The following CDK14 variants were observed in gnomAD, a reference collection of about 807,000 sequenced individuals.
The protein encoded by CDK14 is cyclin-dependent kinase 14.
Under a neutral mutation model 60.7 loss-of-function variants are expected in CDK14, and 34 were observed. The observed-to-expected ratio is 0.56, with a 90% CI of 0.43 to 0.75. The LOEUF is 0.75. Among genes scored for constraint, CDK14 ranks in the 30% least tolerant of loss-of-function variants. The pLI is 0.00. For synonymous variants in CDK14, 197 were observed against 203.7 expected (o/e 0.97, Z 0.28); for missense variants, 482 against 564.1 (o/e 0.85, Z 1.47).
chr7:90,798,136 C>T (rs547279462), intron 5 of CDK14, among the ~76,000 whole-genome samples: 338 of 150,588 alleles, frequency 2.2e-3, no homozygotes, highest in Non-Finnish European at 3.7e-3. Context: ...ATTTTATTTT[C>T]TATTGAATAA....
intron 14 of CDK14, among the ~76,000 whole-genome samples, chr7:91,119,258 A>T (rs998159173): frequency 6.6e-6 from 1 of 152,160 alleles, no homozygotes; most frequent in African/African-American, 2.4e-5. Flanking sequence ...AGGCAGGCAG[A>T]TTGCTTGAGC....
intron 6 of CDK14, among the ~76,000 whole-genome samples, chr7:90,881,733 G>T (rs1017331666): frequency 3.9e-5 from 6 of 152,114 alleles, no homozygotes; most frequent in Admixed American, 3.9e-4. Flanking sequence ...ACTAACAGTG[G>T]AACTCTCAGC....
At chr7:90,812,809 G>T (rs945407066) in intron 5 of CDK14, among the ~76,000 whole-genome samples, 2 of 152,100 alleles carry the variant, frequency 1.3e-5, no homozygotes, top group African/African-American at 2.4e-5. Flanking sequence ...AAACATAGCT[G>T]TTGGGAATAT....
At chr7:90,799,746 C>T (rs933006770) in intron 5 of CDK14, among the ~76,000 whole-genome samples, 2 of 148,930 alleles carry the variant, frequency 1.3e-5, no homozygotes, top group African/African-American at 5.0e-5. Context: ...TACGGCAGAG[C>T]CTATACTTAA....
intron 2 of CDK14, among the ~76,000 whole-genome samples, chr7:90,657,346 A>C (rs1490890224): frequency 6.6e-6 from 1 of 152,212 alleles, no homozygotes; most frequent in Admixed American, 6.5e-5. Context: ...TCATCAACTT[A>C]GTTCATTCTC....
At chr7:90,699,892 C>T (rs1426821190) in intron 2 of CDK14, among the ~76,000 whole-genome samples, 2 of 152,102 alleles carry the variant, frequency 1.3e-5, no homozygotes, top group Non-Finnish European at 2.9e-5. Context: ...TCATGTGCTT[C>T]AGGGGAGGAC....
At chr7:90,733,537 C>A (rs886633535) in intron 3 of CDK14, among the ~76,000 whole-genome samples, 1 of 152,142 alleles carries the variant, frequency 6.6e-6, no homozygotes, top group African/African-American at 2.4e-5. Flanking sequence ...GGATAGTTAC[C>A]TCTTCTTGTT....
chr7:91,090,198 C>T (rs1002347215), intron 12 of CDK14, among the ~76,000 whole-genome samples: 2 of 152,156 alleles, frequency 1.3e-5, no homozygotes, highest in Admixed American at 6.5e-5. Flanking sequence ...TTGCCACATT[C>T]ATTGATTTTC....
chr7:90,633,165 A>G (rs1403425232), intron 2 of CDK14, among the ~76,000 whole-genome samples: 1 of 152,068 alleles, frequency 6.6e-6, no homozygotes, highest in Non-Finnish European at 1.5e-5. Flanking sequence ...AATATGTCCC[A>G]AATTAATGAA....
At chr7:90,679,768 C>T (rs1351083889) in intron 2 of CDK14, among the ~76,000 whole-genome samples, 1 of 152,194 alleles carries the variant, frequency 6.6e-6, no homozygotes, top group Non-Finnish European at 1.5e-5. Flanking sequence ...TGGCATAGTA[C>T]AGCTATGCTG....
intron 12 of CDK14, among the ~76,000 whole-genome samples, chr7:91,091,724 A>G (rs916269155): frequency 1.3e-5 from 1 of 74,986 alleles, no homozygotes; most frequent in Non-Finnish European, 2.6e-5. Context: ...GAAGGAAAGA[A>G]GGAAGGAAGG....
intron 2 of CDK14, among the ~76,000 whole-genome samples, chr7:90,702,185 T>G (rs918809048): frequency 1.3e-5 from 2 of 152,148 alleles, no homozygotes; most frequent in Admixed American, 6.5e-5. Flanking sequence ...CTACTTCTTT[T>G]TAAGAAACAG....
At chr7:90,720,632 G>A (rs1157021124) in intron 2 of CDK14, among the ~76,000 whole-genome samples, 1 of 152,134 alleles carries the variant, frequency 6.6e-6, no homozygotes, top group African/African-American at 2.4e-5. Context: ...GAAGACATAT[G>A]TAAATGTAAT....
At chr7:91,115,778 C>T (rs1355377708) in intron 13 of CDK14, among the ~76,000 whole-genome samples, 5 of 152,076 alleles carry the variant, frequency 3.3e-5, no homozygotes. Flanking sequence ...TTCATAGATT[C>T]GTACAAAAGT....
intron 3 of CDK14, among the ~76,000 whole-genome samples, chr7:90,745,368 T>A (rs1803550125): frequency 1.3e-5 from 2 of 152,232 alleles, no homozygotes; most frequent in Admixed American, 1.3e-4. Context: ...TTGAAAATAT[T>A]GCTTAACTGT....
chr7:90,788,555 G>C (rs192319957), intron 4 of CDK14, among the ~76,000 whole-genome samples: 2 of 152,322 alleles, frequency 1.3e-5, no homozygotes, highest in South Asian at 4.1e-4. Flanking sequence ...ACCTTGAGGA[G>C]ATGGTACGTT....
At chr7:90,706,341 C>T (rs1297730039) in intron 2 of CDK14, among the ~76,000 whole-genome samples, 1 of 152,140 alleles carries the variant, frequency 6.6e-6, no homozygotes, top group Admixed American at 6.5e-5. Context: ...TTTCCCCTAC[C>T]CATTCCTCAA....
intron 10 of CDK14, among the ~76,000 whole-genome samples, chr7:91,032,920 T>A (rs979424196): frequency 6.6e-6 from 1 of 152,242 alleles, no homozygotes; most frequent in Non-Finnish European, 1.5e-5. Context: ...TTCAATAACT[T>A]TGTCGTATTT....
chr7:90,709,395 G>T, intron 2 of CDK14: 1 of 1,393,044 alleles, frequency 7.2e-7, no homozygotes, highest in Non-Finnish European at 9.3e-7. Flanking sequence ...AGCATGATGA[G>T]GTGCATCCCC....
Sources: allele counts gnomAD v4.1 joint callset (sites outside exome capture counted in the v4.1 genomes callset), GRCh38; gene constraint gnomAD v4.1.1; transcripts MANE v1.5; gene names NCBI Gene and HGNC (gene_info 2026-07-23, HGNC 2026-07-21).